CCDC126: variants seen among roughly 807,000 people sequenced by gnomAD.
The protein encoded by CCDC126 is coiled-coil domain-containing protein 126.
In CCDC126, 5 loss-of-function variants were observed where a neutral mutation model predicts 11.7. That is an observed-to-expected ratio of 0.43 (90% CI 0.22 to 0.90). The LOEUF (loss-of-function observed/expected upper bound fraction) is 0.90, where lower values mean the gene tolerates loss of function less well. Ranked by LOEUF, CCDC126 falls within the 40% of genes least tolerant of loss-of-function variation. The pLI is 0.27. For missense variants in CCDC126, 150 were observed against 163.1 expected (o/e 0.92, Z 0.44); for synonymous variants, 60 against 61.9 (o/e 0.97, Z 0.14).
intron 3 of CCDC126, among the ~76,000 whole-genome samples, chr7:23,614,229 T>A (rs1782760272): frequency 6.6e-6 from 1 of 152,240 alleles, no homozygotes; most frequent in Non-Finnish European, 1.5e-5. Flanking sequence ...CAATAAAGTT[T>A]ACATAATATT....
intron 2 of CCDC126, among the ~76,000 whole-genome samples, chr7:23,606,002 G>A (rs1455384797): frequency 6.6e-6 from 1 of 151,938 alleles, no homozygotes; most frequent in Non-Finnish European, 1.5e-5. Context: ...GTGTGTGTGT[G>A]TGTGTGATAA....
chr7:23,616,792 C>G (rs914163928), intron 3 of CCDC126, among the ~76,000 whole-genome samples: 1 of 152,078 alleles, frequency 6.6e-6, no homozygotes, highest in Admixed American at 6.5e-5. Flanking sequence ...GTGTTGGGCC[C>G]TCAGTGGGAC....
At chr7:23,639,807 T>C (rs770690847) in intron 3 of CCDC126, among the ~76,000 whole-genome samples, 9 of 152,168 alleles carry the variant, frequency 5.9e-5, no homozygotes, top group Non-Finnish European at 1.0e-4. Flanking sequence ...ACTACGGTAG[T>C]ACTACTCCTT....
chr7:23,611,156 T>G lies in CCDC126; in HGVS notation c.-145-15T>G. On this transcript the variant is annotated splice_polypyrimidine_tract_variant and intron_variant, in intron 2 of 3. Transcript: ENST00000307471. Reference sequence around the variant, plus strand: ...CAGATTAAGACTAATACTGTTTTTCTTCTTAATTTTACAGAGTTAATAGAG... The same window carrying G: ...CAGATTAAGACTAATACTGTTTTTCGTCTTAATTTTACAGAGTTAATAGAG... 6.8e-6 allele frequency: 4 copies of G among 585,822 alleles called. No homozygotes were observed. In the Middle Eastern group the frequency reaches 1.8e-3, roughly 269 times the overall value. 36.3% of individuals were successfully genotyped at this position (585,822 alleles called of 1,614,324 possible). A position where few individuals can be genotyped will look rare whatever the true frequency, so the allele number is the denominator to read the frequency against.
chr7:23,638,583 G>A (rs559919508), intron 3 of CCDC126, among the ~76,000 whole-genome samples: 2,114 of 124,616 alleles, frequency 0.017, 78 homozygotes, highest in African/African-American at 0.065. Flanking sequence ...CACTGCGGAA[G>A]GCCGCAGGGT....
At chr7:23,628,018 T>C (rs996020472) in intron 3 of CCDC126, among the ~76,000 whole-genome samples, 1 of 152,204 alleles carries the variant, frequency 6.6e-6, no homozygotes, top group African/African-American at 2.4e-5. Flanking sequence ...ATTTCTTTAA[T>C]TCATTTTAAA....
At chr7:23,630,972 A>T (rs1401910918) in intron 3 of CCDC126, among the ~76,000 whole-genome samples, 2 of 152,060 alleles carry the variant, frequency 1.3e-5, no homozygotes, top group South Asian at 2.1e-4. Flanking sequence ...ATGAAAATGC[A>T]ACATAAAAAA....
rs143975473 is a variant in CCDC126, at chr7:23,611,452, G to A, written c.137G>A (p.Arg46His). ...AGACATCAAAGCAGTGTCAAGTTAC[G>A]TGAGCAAATACTAGACTTAAGCAAA... ...QPRHQSSVKL[R>H]EQILDLSKRY... Residue 46 changes from arginine (R) to histidine (H), a missense_variant, in exon 3 of 4, where the codon CGT becomes CAT. Coordinates refer to ENST00000307471, the MANE Select transcript of CCDC126 (RefSeq NM_138771.4). 5.0e-6 allele frequency: 8 copies of A among 1,613,890 alleles called. No homozygotes were observed. In the Admixed American group the frequency reaches 5.0e-5, roughly 10 times the overall value.
At chr7:23,598,995 C>T (rs532444966) in intron 2 of CCDC126, among the ~76,000 whole-genome samples, 1 of 152,068 alleles carries the variant, frequency 6.6e-6, no homozygotes, top group African/African-American at 2.4e-5. Context: ...TGTGTAAACC[C>T]TTTTAGTCAT....
intron 2 of CCDC126, among the ~76,000 whole-genome samples, chr7:23,603,651 A>T (rs796508935): frequency 1.2e-4 from 19 of 152,312 alleles, no homozygotes; most frequent in African/African-American, 4.6e-4. Flanking sequence ...GTTTCTTCTC[A>T]GGTTCTTCCA....
chr7:23,642,582 G>A, intron 3 of CCDC126, among the ~76,000 whole-genome samples: 1 of 151,964 alleles, frequency 6.6e-6, no homozygotes, highest in Non-Finnish European at 1.5e-5. Flanking sequence ...GGCCAACGTG[G>A]TAAAATCCTG....
In CCDC126 at chr7:23,608,732, C is replaced by T. The variant is rs191911160; in HGVS notation, c.-145-2439C>T. ...GTGGTTCTAATGGGTTCTCCTTGCC[C>T]GATGCCTAGACAGAACCAATTTATC... is the stretch of plus-strand genomic sequence containing the variant. On this transcript the variant is annotated intron_variant, in intron 2 of 3. Coordinates refer to ENST00000307471, the MANE Select transcript of CCDC126 (RefSeq NM_138771.4). Among the ~76,000 whole-genome samples, 667 of 152,222 alleles carry T rather than the reference C, an allele frequency of 4.4e-3. 9 individuals are homozygous for T. Among genetic ancestry groups the T allele is most frequent in the African/African-American group, 0.014 (583 of 41,528 alleles).
chr7:23,612,103 G>A (rs1487694028), intron 3 of CCDC126, among the ~76,000 whole-genome samples: 3 of 146,938 alleles, frequency 2.0e-5, no homozygotes, highest in Non-Finnish European at 4.5e-5. Context: ...CTGAGATCGC[G>A]CCGCTGCACT....
At chr7:23,599,762 A>G (rs1782500672) in intron 2 of CCDC126, among the ~76,000 whole-genome samples, 1 of 152,058 alleles carries the variant, frequency 6.6e-6, no homozygotes, top group Non-Finnish European at 1.5e-5. Context: ...CCCGGCCTGC[A>G]TAGTTTATTT....
At chr7:23,631,882 T>C (rs1048030395) in intron 3 of CCDC126, among the ~76,000 whole-genome samples, 1 of 152,154 alleles carries the variant, frequency 6.6e-6, no homozygotes, top group Non-Finnish European at 1.5e-5. Flanking sequence ...ATTAGCATAC[T>C]TTAATGCAAT....
chr7:23,616,614 T>C (rs1782799414), intron 3 of CCDC126, among the ~76,000 whole-genome samples: 1 of 152,228 alleles, frequency 6.6e-6, no homozygotes, highest in Non-Finnish European at 1.5e-5. Flanking sequence ...CTCTGCTCTG[T>C]TCTGTTTTAC....
chr7:23,630,718 CAAAAAAAAAAA>C lies in CCDC126; in HGVS notation c.239-12194_239-12184del, dbSNP rs775279967. 9.4e-4 allele frequency among the ~76,000 whole-genome samples: 24 copies of C among 25,482 alleles called. No homozygotes were observed. The South Asian group carries it at 0.048, about 50-fold the overall frequency. 16.7% of individuals were successfully genotyped at this position (25,482 alleles called of 152,430 possible). On this transcript the variant is annotated intron_variant, in intron 3 of 3. Coordinates refer to ENST00000307471, the MANE Select transcript of CCDC126 (RefSeq NM_138771.4). ...TAGGTGACAGAGCAAGACCCTATCTCAAAAAAAAAAAAAAAAAAAAAAAAAAAAAGTCCATA... is the reference window on the plus strand; with the variant it reads ...TAGGTGACAGAGCAAGACCCTATCTCAAAAAAAAAAAAAAAAAAGTCCATA...
Position 23,611,211 on chromosome 7 carries a change from A to G in CCDC126, c.-105A>G, listed in dbSNP as rs1432144549. The G allele has an allele frequency of 2.8e-6, 2 of 717,948 alleles. No individual in the cohort carries two copies. The highest frequency in any genetic ancestry group is 2.4e-6 in the Non-Finnish European group (1 of 412,004). The allele number at this position is 717,948 out of a possible 1,614,324, so 44.5% of individuals were successfully genotyped here. ...TACAACCTTGCTGAAGATGAAGAAT[A>G]TACAATATTGAGGATATTTTTTTCT... On this transcript the variant is annotated 5_prime_UTR_variant, in exon 3 of 4. The change creates a new upstream start codon in the 5' untranslated region. Coordinates refer to ENST00000307471, the MANE Select transcript of CCDC126 (RefSeq NM_138771.4).
intron 3 of CCDC126, among the ~76,000 whole-genome samples, chr7:23,621,419 A>G (rs935826088): frequency 6.6e-6 from 1 of 152,220 alleles, no homozygotes; most frequent in Non-Finnish European, 1.5e-5. Flanking sequence ...TGATTTTTGC[A>G]CATTGATATT....
Sources: gnomAD v4.1 joint callset for allele counts (sites outside exome capture counted in the v4.1 genomes callset) on GRCh38, gnomAD v4.1.1 for gene constraint, MANE v1.5 for transcripts, NCBI Gene and HGNC (gene_info 2026-07-23, HGNC 2026-07-21) for gene names.